NR2F1-AS1: variants seen among roughly 807,000 people sequenced by gnomAD.
The protein encoded by NR2F1-AS1 is NR2F1 antisense RNA 1.
chr5:93,537,548 G>T (rs2149903607), intron 4 of NR2F1-AS1, among the ~76,000 whole-genome samples: 1 of 152,178 alleles, frequency 6.6e-6, no homozygotes, highest in East Asian at 1.9e-4. Context: ...ATAGGTATAT[G>T]AAAAAATGCT....
In NR2F1-AS1 at chr5:93,522,606, G is replaced by A. The variant is rs572697722; in HGVS notation, n.638+31155C>T. On this transcript the variant is annotated intron_variant and non_coding_transcript_variant, in intron 4 of 5. Coordinates refer to ENST00000660523, the Ensembl canonical transcript of NR2F1-AS1. ...GTCAGCAGCTCCCAGCAAGATCAAC[G>A]CAGAAGGCGGGTGACTTCTGCATTT... 2.2e-3 allele frequency among the ~76,000 whole-genome samples: 336 copies of A among 152,320 alleles called. 2 individuals are homozygous for A. Among genetic ancestry groups the A allele is most frequent in the Non-Finnish European group, 2.2e-3 (150 of 68,034 alleles).
At chr5:93,468,716 T>A (rs1750299508) in intron 4 of NR2F1-AS1, among the ~76,000 whole-genome samples, 1 of 152,206 alleles carries the variant, frequency 6.6e-6, no homozygotes, top group Non-Finnish European at 1.5e-5. Context: ...CATGAAGTCT[T>A]TGCCCATGCC....
At chr5:93,440,344 A>G (rs1749540881) in intron 4 of NR2F1-AS1, among the ~76,000 whole-genome samples, 1 of 152,204 alleles carries the variant, frequency 6.6e-6, no homozygotes, top group Non-Finnish European at 1.5e-5. Flanking sequence ...GATGAGATTA[A>G]CTTTTGAATC....
intron 4 of NR2F1-AS1, among the ~76,000 whole-genome samples, chr5:93,463,352 C>G (rs936761062): frequency 6.6e-6 from 1 of 152,184 alleles, no homozygotes; most frequent in Admixed American, 6.5e-5. Flanking sequence ...AAACCTTCAC[C>G]TAGATTTCAG....
At chr5:93,487,182 G>C (rs1227169193) in intron 4 of NR2F1-AS1, among the ~76,000 whole-genome samples, 2 of 151,894 alleles carry the variant, frequency 1.3e-5, no homozygotes, top group African/African-American at 2.4e-5. Flanking sequence ...TTGGAAAATC[G>C]GCACAAGATA....
intron 4 of NR2F1-AS1, among the ~76,000 whole-genome samples, chr5:93,532,624 G>C (rs1751758590): frequency 6.6e-6 from 1 of 152,228 alleles, no homozygotes; most frequent in African/African-American, 2.4e-5. Context: ...AGTCTTATGA[G>C]AGAATTCTTT....
chr5:93,584,650 C>A (rs1335166157), upstream of NR2F1-AS1: 1 of 145,888 alleles, frequency 6.9e-6, no homozygotes, highest in African/African-American at 2.5e-5. Flanking sequence ...GAGAGCGCGG[C>A]CCCCCCAGGA....
intron 4 of NR2F1-AS1, among the ~76,000 whole-genome samples, chr5:93,508,248 T>C (rs1051877345): frequency 2.0e-5 from 3 of 152,132 alleles, no homozygotes; most frequent in African/African-American, 4.8e-5. Context: ...TGGCATAATA[T>C]TGTCATAGAG....
chr5:93,556,445 A>G (rs999306949), intron 2 of NR2F1-AS1, among the ~76,000 whole-genome samples: 2 of 152,210 alleles, frequency 1.3e-5, no homozygotes, highest in African/African-American at 4.8e-5. Context: ...TTTCGAATCT[A>G]TCTTCAGAAA....
At chr5:93,465,984 T>G (rs2149866832) in intron 4 of NR2F1-AS1, among the ~76,000 whole-genome samples, 1 of 151,978 alleles carries the variant, frequency 6.6e-6, no homozygotes, top group Non-Finnish European at 1.5e-5. Context: ...AATGACGAGT[T>G]GATGGGTGCA....
intron 4 of NR2F1-AS1, among the ~76,000 whole-genome samples, chr5:93,508,404 T>G (rs1381954350): frequency 6.6e-6 from 1 of 152,118 alleles, no homozygotes; most frequent in Non-Finnish European, 1.5e-5. Context: ...TTCATAATGA[T>G]ACTGAGAAAA....
At chr5:93,411,454 G>C (rs773412671) in intron 4 of NR2F1-AS1, 2 of 152,196 alleles carry the variant, frequency 1.3e-5, no homozygotes, top group Non-Finnish European at 2.9e-5. Context: ...AAACGTGCAG[G>C]GTGATTTGAA....
intron 4 of NR2F1-AS1, among the ~76,000 whole-genome samples, chr5:93,424,402 T>C (rs1259973711): frequency 1.3e-5 from 2 of 151,960 alleles, no homozygotes; most frequent in Non-Finnish European, 2.9e-5. Flanking sequence ...AGTATTAGTA[T>C]TTACTATATG....
intron 4 of NR2F1-AS1, among the ~76,000 whole-genome samples, chr5:93,452,724 G>C (rs1749863349): frequency 6.6e-6 from 1 of 152,178 alleles, no homozygotes; most frequent in Non-Finnish European, 1.5e-5. Context: ...AGGCCATATA[G>C]TACAGGAGGT....
chr5:93,560,098 C>T (rs188652212), intron 2 of NR2F1-AS1, among the ~76,000 whole-genome samples: 2 of 152,262 alleles, frequency 1.3e-5, no homozygotes, highest in African/African-American at 4.8e-5. Flanking sequence ...GAGCTTCAAA[C>T]TCTTCATCAA....
intron 1 of NR2F1-AS1, among the ~76,000 whole-genome samples, chr5:93,565,844 A>G (rs955819559): frequency 3.9e-5 from 6 of 151,914 alleles, no homozygotes; most frequent in African/African-American, 1.4e-4. Flanking sequence ...ATATATATAT[A>G]TAACTATTTC....
intron 4 of NR2F1-AS1, among the ~76,000 whole-genome samples, chr5:93,519,243 T>G (rs1156852119): frequency 2.0e-5 from 3 of 152,070 alleles, no homozygotes; most frequent in African/African-American, 7.2e-5. Flanking sequence ...ATAAAAGAAC[T>G]GAGACTGACA....
At position 93,566,625 on chromosome 5, in the gene NR2F1-AS1, AAT is replaced by A. The variant is rs201982236; in HGVS notation, n.314-3164_314-3163del. Among the ~76,000 whole-genome samples the A allele has an allele frequency of 7.5e-3, 1,145 of 152,152 alleles. 10 individuals carry two copies. Among genetic ancestry groups the A allele is most frequent in the East Asian group, 0.021 (111 of 5,186 alleles). ...AATTAGAATGCTGCCTCTACAGAGG[AAT>A]TTTTTTTAAGTACCAGTATAAATTG... On this transcript the variant is annotated intron_variant and non_coding_transcript_variant, in intron 1 of 5. Transcript: ENST00000660523.
chr5:93,525,553 T>C (rs1173282662), intron 4 of NR2F1-AS1, among the ~76,000 whole-genome samples: 1 of 152,200 alleles, frequency 6.6e-6, no homozygotes, highest in Admixed American at 6.5e-5. Context: ...CAACGGAATA[T>C]ACCTTCTTCT....
Sources: allele counts gnomAD v4.1 joint callset (sites outside exome capture counted in the v4.1 genomes callset), GRCh38; gene constraint gnomAD v4.1.1; transcripts MANE v1.5; gene names NCBI Gene and HGNC (gene_info 2026-07-23, HGNC 2026-07-21).